ZFR: variants seen among roughly 807,000 people sequenced by gnomAD.
ZFR encodes the protein zinc finger RNA-binding protein.
ZFR carries 19 observed loss-of-function variants against 130.7 expected under a neutral mutation model. The ratio of observed to expected loss-of-function variants is 0.15; its 90% CI spans 0.10 to 0.21. The LOEUF is 0.21. ZFR is among the 10% of genes least tolerant of loss of function. The pLI, the probability that ZFR is intolerant of heterozygous loss-of-function variation, is 1.00. For missense variants in ZFR, 872 were observed against 1,321.5 expected, an observed-to-expected ratio of 0.66 and a Z score of 5.27; for synonymous variants, 466 against 456.9, an observed-to-expected ratio of 1.02 and a Z score of -0.25.
At chr5:32,399,918 G>C (rs1277475092) in intron 9 of ZFR, 89 bp downstream of exon 9, 2 of 1,119,208 alleles carry the variant, frequency 1.8e-6, no homozygotes, top group Non-Finnish European at 2.4e-6. Flanking sequence ...ATACAATTAA[G>C]TATATTTAAT....
chr5:32,393,037 T>C (rs1753217518), intron 11 of ZFR, among the ~76,000 whole-genome samples: 1 of 152,170 alleles, frequency 6.6e-6, no homozygotes, highest in African/African-American at 2.4e-5. Flanking sequence ...AGACACTTAC[T>C]TGCTCTTTCA....
At chr5:32,369,635 A>C (rs567099936) in intron 17 of ZFR, among the ~76,000 whole-genome samples, 3 of 151,950 alleles carry the variant, frequency 2.0e-5, no homozygotes, top group Admixed American at 6.6e-5. Flanking sequence ...GTGAGACCTT[A>C]TCTCTACAAA....
At chr5:32,385,920 T>G (rs1478352714) in intron 14 of ZFR, among the ~76,000 whole-genome samples, 2 of 152,114 alleles carry the variant, frequency 1.3e-5, no homozygotes, top group Non-Finnish European at 2.9e-5. Context: ...AATAAATTCT[T>G]GGATAAAAGA....
rs1310473017 is a variant in ZFR at position 32,390,348 on chromosome 5, G to A, written c.2069C>T (p.Pro690Leu). The change falls in exon 12 of 20, where the codon CCT (proline) becomes CTT (leucine). Residue 690 changes from proline to leucine, a missense_variant. Physicochemically the swap from Pro to Leu is moderately conservative, Grantham distance 98. Transcript: ENST00000265069. ...DRRRMPDGGYPHGPPGPLGLL... is the reference protein window; with the variant it reads ...DRRRMPDGGYLHGPPGPLGLL... ...GCCTAATGGGCCTGGAGGACCATGA[G>A]GATAACCTCCATCTGGCATTCGGCG... 3.1e-6 allele frequency: 5 copies of A among 1,614,136 alleles called. No homozygotes were observed. The highest frequency in any genetic ancestry group is 4.2e-6 in the Non-Finnish European group (5 of 1,180,000).
intron 1 of ZFR, 34 bp from the exon 2 acceptor site, chr5:32,444,362 G>A (rs1581723949): frequency 4.6e-6 from 7 of 1,530,626 alleles, no homozygotes; most frequent in Middle Eastern, 1.9e-4. Flanking sequence ...GTCCCATGGC[G>A]GGACAAGAGA....
chr5:32,397,849 CTTTTT>C (rs70961626), intron 9 of ZFR, among the ~76,000 whole-genome samples: 6 of 66,868 alleles, frequency 9.0e-5, no homozygotes, highest in East Asian at 5.7e-4. Context: ...GCTCTTGTAT[CTTTTT>C]TTTTTTTTTT....
At chr5:32,423,497 T>C (rs1254559082) in intron 2 of ZFR, among the ~76,000 whole-genome samples, 1 of 151,974 alleles carries the variant, frequency 6.6e-6, no homozygotes, top group Non-Finnish European at 1.5e-5. Context: ...AACTCTAATT[T>C]GTATCTATAA....
Position 32,404,015 on chromosome 5 carries a change from T to C in ZFR, c.1115A>G (p.Asn372Ser), listed in dbSNP as rs1344313033. The change falls in exon 7 of 20, where the codon AAC becomes AGC. Residue 372 changes from asparagine to serine, a missense_variant. Around this residue, in one of 7 missense-constraint regions of ZFR, gnomAD observed 31 missense variants for 21.8 expected, o/e 1.42. Transcript: ENST00000265069. Reference sequence around the variant, plus strand: ...ATTTTGAGTCCCACGAGTAGAACTGTTGCTGCTGCTGGTATTTTGTGAGGC... The same window carrying C: ...ATTTTGAGTCCCACGAGTAGAACTGCTGCTGCTGCTGGTATTTTGTGAGGC... ...LKASQNTSSS[N>S]SSTRGTQNQL... The C allele has an allele frequency of 1.2e-6, 2 of 1,614,176 alleles. No individual in the cohort carries two copies. Among genetic ancestry groups the C allele is most frequent in the African/African-American group, 1.3e-5 (1 of 75,072 alleles).
At chr5:32,372,704 G>A (rs180694842) in intron 17 of ZFR, among the ~76,000 whole-genome samples, 101 of 151,902 alleles carry the variant, frequency 6.6e-4, no homozygotes, top group African/African-American at 2.3e-3. Flanking sequence ...ATGGTGGCGC[G>A]CGCGCTTGTA....
At chr5:32,435,938 T>C (rs539612765) in intron 2 of ZFR, among the ~76,000 whole-genome samples, 1 of 152,310 alleles carries the variant, frequency 6.6e-6, no homozygotes, top group South Asian at 2.1e-4. Flanking sequence ...GATCAGATTC[T>C]AGTTTCCTTA....
rs567308986 is a variant in ZFR, at chr5:32,426,960, A to C, written c.138-6857T>G. Among the ~76,000 whole-genome samples the C allele has an allele frequency of 7.2e-5, 11 of 152,076 alleles. No individual in the cohort carries two copies. In the South Asian group the frequency reaches 2.1e-3, roughly 29 times the overall value. On this transcript the variant is annotated intron_variant, in intron 2 of 19. Coordinates refer to ENST00000265069, the MANE Select transcript of ZFR (RefSeq NM_016107.5). ...AGATCAAGCCATCTGTTCACAGATGACATCATTTTATACATGGAAAACACT... is the reference window on the plus strand; with the variant it reads ...AGATCAAGCCATCTGTTCACAGATGCCATCATTTTATACATGGAAAACACT...
intron 19 of ZFR, among the ~76,000 whole-genome samples, chr5:32,363,060 T>C (rs1049351904): frequency 6.6e-6 from 1 of 152,210 alleles, no homozygotes; most frequent in African/African-American, 2.4e-5. Context: ...CATAATATTC[T>C]ATTACTACTC....
rs1001231984 is a variant in ZFR, at chr5:32,420,416, G to A, written c.138-313C>T. Among the ~76,000 whole-genome samples, 4 of 151,980 alleles carry A rather than the reference G, an allele frequency of 2.6e-5. No individual in the cohort carries two copies. In the South Asian group the frequency reaches 8.3e-4, roughly 32 times the overall value. The stretch of plus-strand genomic sequence containing the variant: ...AAACTAGGATAAAAAACAGTATTAG[G>A]AAGAAAAGAAAAAACTGACCAAATT... On this transcript the variant is annotated intron_variant, in intron 2 of 19. Transcript: ENST00000265069.
chr5:32,358,770 A>C (rs546594344), intron 19 of ZFR, among the ~76,000 whole-genome samples: 86 of 152,234 alleles, frequency 5.6e-4, no homozygotes, highest in Non-Finnish European at 7.4e-5. Context: ...GTCTTGGCTG[A>C]AGGGCATATC....
At chr5:32,398,744 T>G (rs1374119174) in intron 9 of ZFR, among the ~76,000 whole-genome samples, 2 of 151,944 alleles carry the variant, frequency 1.3e-5, no homozygotes, top group Non-Finnish European at 2.9e-5. Flanking sequence ...TGGAGTACAG[T>G]TGTGTGATCT....
chr5:32,405,853 G>A (rs1753569118), intron 6 of ZFR, among the ~76,000 whole-genome samples: 1 of 152,178 alleles, frequency 6.6e-6, no homozygotes, highest in Middle Eastern at 3.2e-3. Context: ...ATATTAAAAT[G>A]TTCTGTAATT....
intron 5 of ZFR, among the ~76,000 whole-genome samples, chr5:32,412,531 C>A (rs1348756245): frequency 6.6e-6 from 1 of 152,204 alleles, no homozygotes; most frequent in Non-Finnish European, 1.5e-5. Flanking sequence ...AACATACATA[C>A]ACCAAATACA....
chr5:32,402,588 G>T (rs1383293712), intron 8 of ZFR, among the ~76,000 whole-genome samples: 1 of 147,196 alleles, frequency 6.8e-6, no homozygotes, highest in Non-Finnish European at 1.5e-5. Context: ...GCAATGTGGT[G>T]AAACCCCATC....
At position 32,430,059 on chromosome 5, in the gene ZFR, G is replaced by C. The variant is rs55853880; in HGVS notation, c.138-9956C>G. On this transcript the variant is annotated intron_variant, in intron 2 of 19. Transcript: ENST00000265069. The stretch of plus-strand genomic sequence containing the variant: ...ATGTTGCCTGGGATGTAGCCTGGGT[G>C]ACAGAGTGAGACCCTATTTCAAAAA... Among the ~76,000 whole-genome samples, 934 of 120,974 alleles carry C rather than the reference G, an allele frequency of 7.7e-3. 4 individuals are homozygous for C. Among genetic ancestry groups the C allele is most frequent in the Middle Eastern group, 0.022 (4 of 184 alleles). The allele number at this position is 120,974 out of a possible 152,430, so 79.4% of individuals were successfully genotyped here.
Sources: gnomAD v4.1 joint callset for allele counts (sites outside exome capture counted in the v4.1 genomes callset) on GRCh38, gnomAD v4.1.1 for gene constraint, gnomAD v4.1.1 regional missense constraint, MANE v1.5 for transcripts, NCBI Gene and HGNC (gene_info 2026-07-23, HGNC 2026-07-21) for gene names.